The following DNAH17 variants were observed in gnomAD, a reference collection of about 807,000 sequenced individuals.
DNAH17 encodes dynein axonemal heavy chain 17.
DNAH17 carries 376 observed loss-of-function variants against 485.6 expected under a neutral mutation model. The ratio of observed to expected loss-of-function variants is 0.77; its 90% CI spans 0.71 to 0.84. The LOEUF (loss-of-function observed/expected upper bound fraction) is 0.84. DNAH17 is among the 40% of genes least tolerant of loss of function. The probability of loss-of-function intolerance (pLI) is 0.00; values close to 1 mark genes in which losing one functional copy is unlikely to be tolerated. For missense variants in DNAH17, 6,370 were observed against 5,839.3 expected (o/e 1.09, Z -2.96); for synonymous variants, 3,031 against 2,405.9 (o/e 1.26, Z -7.60).
chr17:78,471,538 C>T (rs765887280), intron 54 of DNAH17, among the ~76,000 whole-genome samples: 1 of 152,120 alleles, frequency 6.6e-6, no homozygotes, highest in Non-Finnish European at 1.5e-5. Flanking sequence ...TCTGACTTTA[C>T]TTTTTTAGAG....
Position 78,479,476 on chromosome 17 carries a change from C to T in DNAH17, c.7900+9G>A, listed in dbSNP as rs893578414. On this transcript the variant is annotated intron_variant, in intron 50 of 80. Coordinates refer to ENST00000389840, the MANE Select transcript of DNAH17 (RefSeq NM_173628.4). Reference sequence around the variant, plus strand: ...CCGATGGGAGAGGGGATGAGGCCAGCCAGCTTACCCAGGGCCGCGGCCACC... The same window carrying T: ...CCGATGGGAGAGGGGATGAGGCCAGTCAGCTTACCCAGGGCCGCGGCCACC... 1.2e-6 allele frequency: 2 copies of T among 1,604,226 alleles called. No homozygotes were observed. Among genetic ancestry groups the T allele is most frequent in the East Asian group, 2.2e-5 (1 of 44,704 alleles).
At chr17:78,491,043 C>G (rs528315180) in intron 43 of DNAH17, among the ~76,000 whole-genome samples, 196 bp from the exon 44 acceptor site, 1 of 152,184 alleles carries the variant, frequency 6.6e-6, no homozygotes, top group Non-Finnish European at 1.5e-5. Flanking sequence ...AGCCTCTAGA[C>G]GCCCACACCG....
In DNAH17 at chr17:78,439,159, C is replaced by T. The variant is rs748491891; in HGVS notation, c.11736G>A (p.Gln3912=). ...NGKLHNVSLG[Q]GQEVVAENAL... is the part of the protein sequence containing the mutation. ...CGTTCTCAGCCACCACCTCTTGTCC[C>T]TGCCCCAGGGACACATTATGGAGTT... The change falls in exon 73 of 81, where the codon CAG becomes CAA. Residue 3912 remains glutamine, a synonymous_variant. Coordinates refer to ENST00000389840, the MANE Select transcript of DNAH17 (RefSeq NM_173628.4). The T allele has an allele frequency of 4.3e-6, 7 of 1,613,692 alleles. No homozygotes were observed. The highest frequency in any genetic ancestry group is 5.9e-6 in the Non-Finnish European group (7 of 1,179,848).
intron 69 of DNAH17, among the ~76,000 whole-genome samples, chr17:78,447,600 C>T (rs886961786): frequency 1.1e-4 from 17 of 152,170 alleles, no homozygotes; most frequent in African/African-American, 2.2e-4. Flanking sequence ...TCAAACAAAA[C>T]GTTCTTTGGG....
Position 78,459,084 on chromosome 17 carries a change from G to A in DNAH17, c.9778C>T (p.Pro3260Ser). The A allele has an allele frequency of 6.2e-7, 1 of 1,614,024 alleles. No homozygotes were observed. The highest frequency in any genetic ancestry group is 8.5e-7 in the Non-Finnish European group (1 of 1,179,902). Residue 3260 changes from proline to serine, a missense_variant, in exon 61 of 81, where the codon CCC (proline) becomes TCC (serine). Physicochemically the swap from Pro to Ser is moderately conservative, Grantham distance 74. Coordinates refer to ENST00000389840, the MANE Select transcript of DNAH17 (RefSeq NM_173628.4). ...RFYEVYCDVA[P>S]KRQALEEANA... Reference sequence around the variant, plus strand: ...GCCTCCTCCAGTGCCTGCCTCTTGGGCGCCACGTCGCAGTAGACCTCGTAG... The same window carrying A: ...GCCTCCTCCAGTGCCTGCCTCTTGGACGCCACGTCGCAGTAGACCTCGTAG...
Position 78,519,110 on chromosome 17 carries a change from G to A in DNAH17, c.3865-4088C>T, listed in dbSNP as rs537256066. ...GTGAACCCAGGAGGTGGAGCTTACA[G>A]TGAGCCAAGATAGCGCCACTGCAGT... On this transcript the variant is annotated intron_variant, in intron 25 of 80. Transcript: ENST00000389840. 4.0e-4 allele frequency among the ~76,000 whole-genome samples: 53 copies of A among 133,040 alleles called. No homozygotes were observed. The South Asian group carries it at 0.013, about 32-fold the overall frequency. The allele number at this position is 133,040 out of a possible 152,430, so 87.3% of individuals were successfully genotyped here. A position where few individuals can be genotyped will look rare whatever the true frequency, so the allele number is the denominator to read the frequency against.
chr17:78,508,057 C>T (rs1264880166), intron 27 of DNAH17, among the ~76,000 whole-genome samples: 2 of 152,190 alleles, frequency 1.3e-5, no homozygotes, highest in Admixed American at 6.5e-5. Flanking sequence ...TGCCACAACG[C>T]GGATAAACCT....
intron 74 of DNAH17, among the ~76,000 whole-genome samples, chr17:78,435,740 A>C (rs572670395): frequency 5.3e-4 from 81 of 152,336 alleles, no homozygotes; most frequent in African/African-American, 1.9e-3. Context: ...GACTGGCAGA[A>C]ACCGTTCCAG....
At chr17:78,452,188 C>A (rs1254986957) in intron 65 of DNAH17, among the ~76,000 whole-genome samples, 1 of 149,196 alleles carries the variant, frequency 6.7e-6, no homozygotes. Context: ...AGGACCTCTG[C>A]ATATTGATTT....
chr17:78,532,466 T>A lies in DNAH17; in HGVS notation c.3114+16A>T. Reference sequence around the variant, plus strand: ...CTCTGGAGACAAGGAGGCTGGTGGGTGAGGTCTGCACGCACCTGCTCCTGG... The same window carrying A: ...CTCTGGAGACAAGGAGGCTGGTGGGAGAGGTCTGCACGCACCTGCTCCTGG... On this transcript the variant is annotated intron_variant, in intron 20 of 80. Coordinates refer to ENST00000389840, the MANE Select transcript of DNAH17 (RefSeq NM_173628.4). The A allele has an allele frequency of 6.3e-7, 1 of 1,593,230 alleles. No individual in the cohort carries two copies. The highest frequency in any genetic ancestry group is 1.1e-5 in the South Asian group (1 of 88,336).
At chr17:78,460,364 A>G in intron 58 of DNAH17, 107 bp from the exon 59 acceptor site, 1 of 162,978 alleles carries the variant, frequency 6.1e-6, no homozygotes, top group Non-Finnish European at 1.0e-5. Flanking sequence ...GCATGTATGC[A>G]CGTGCATGAG....
chr17:78,455,381 A>G (rs1252648244), intron 63 of DNAH17, among the ~76,000 whole-genome samples: 2 of 151,678 alleles, frequency 1.3e-5, no homozygotes, highest in East Asian at 3.9e-4. Context: ...GTTGGAATGC[A>G]GTAGTGTGAT....
At chr17:78,439,250 C>T (rs369552081) in intron 72 of DNAH17, 33 bp from the exon 73 acceptor site, 129 of 1,587,018 alleles carry the variant, frequency 8.1e-5, no homozygotes, top group Non-Finnish European at 1.0e-4. Context: ...AAAAACACCA[C>T]GTAATTAAAT....
chr17:78,519,058 C>G (rs1043330257), intron 25 of DNAH17, among the ~76,000 whole-genome samples: 2 of 149,574 alleles, frequency 1.3e-5, no homozygotes, highest in Non-Finnish European at 3.0e-5. Flanking sequence ...GTCCCAGATA[C>G]TCGGGAGGCT....
intron 52 of DNAH17, among the ~76,000 whole-genome samples, chr17:78,476,339 G>A (rs983081459): frequency 2.2e-5 from 2 of 91,524 alleles, no homozygotes; most frequent in Non-Finnish European, 4.4e-5. Context: ...CCACAGCCAC[G>A]TGCCGGAGTT....
intron 31 of DNAH17, 168 bp from the exon 32 acceptor site, chr17:78,503,179 T>A: frequency 5.2e-6 from 3 of 580,116 alleles, no homozygotes; most frequent in Non-Finnish European, 7.5e-6. Context: ...CTTTTTTTTT[T>A]TTTTTTTTTT....
chr17:78,481,217 C>A (rs1342160357), intron 48 of DNAH17, among the ~76,000 whole-genome samples: 1 of 151,728 alleles, frequency 6.6e-6, no homozygotes, highest in Non-Finnish European at 1.5e-5. Context: ...ATTCTCCTGC[C>A]TCAGCCTCCC....
chr17:78,540,887 ATGGATGGGTGGGTGGGTGGGTGGG>A (rs1568222313), intron 17 of DNAH17, among the ~76,000 whole-genome samples: 8 of 16 alleles, frequency 0.5, 3 homozygotes, highest in Non-Finnish European at 0.5. Flanking sequence ...GGATGGGTGG[ATGGATGGGTGGGTGGGTGGGTGGG>A]TGGGTGGATG....
intron 72 of DNAH17, 125 bp downstream of exon 72, chr17:78,440,926 C>G: frequency 8.6e-7 from 1 of 1,164,598 alleles, no homozygotes; most frequent in South Asian, 1.5e-5. Flanking sequence ...TGCCATCCTA[C>G]CGGCGTGAAG....
Sources: gnomAD v4.1 joint callset for allele counts (sites outside exome capture counted in the v4.1 genomes callset) on GRCh38, gnomAD v4.1.1 for gene constraint, MANE v1.5 for transcripts, NCBI Gene and HGNC (gene_info 2026-07-23, HGNC 2026-07-21) for gene names.